The following RSL24D1 variants were observed in gnomAD, a reference collection of about 807,000 sequenced individuals.
RSL24D1 encodes the protein probable ribosome biogenesis protein RLP24.
Under a neutral mutation model 26.2 loss-of-function variants are expected in RSL24D1, and 6 were observed. The ratio of observed to expected loss-of-function variants is 0.23; its 90% CI spans 0.13 to 0.45. The LOEUF (loss-of-function observed/expected upper bound fraction) is 0.45. Ranked by LOEUF, RSL24D1 falls within the 20% of genes least tolerant of loss-of-function variation. RSL24D1 has a pLI of 0.99. For missense variants in RSL24D1, 176 were observed against 202.6 expected, an observed-to-expected ratio of 0.87 and a Z score of 0.80; for synonymous variants, 61 against 59.1, an observed-to-expected ratio of 1.03 and a Z score of -0.15.
chr15:55,194,702 G>C (rs75322033), intron 1 of RSL24D1, among the ~76,000 whole-genome samples: 7,399 of 151,996 alleles, frequency 0.049, 313 homozygotes, highest in African/African-American at 0.12. Context: ...TGCCTAAGAA[G>C]AGTAAAAGGT....
intron 2 of RSL24D1, among the ~76,000 whole-genome samples, chr15:55,191,386 A>T (rs1435025192): frequency 6.6e-6 from 1 of 152,190 alleles, no homozygotes; most frequent in African/African-American, 2.4e-5. Context: ...AAAACTTTGA[A>T]TTATGTTGAA....
rs1595649664 is a variant in RSL24D1 at position 55,181,343 on chromosome 15, C to G, written c.*809G>C. 1 of 152,514 alleles carries G rather than the reference C, an allele frequency of 6.6e-6. No homozygotes were observed. The highest frequency in any genetic ancestry group is 1.5e-5 in the Non-Finnish European group (1 of 68,028). The allele number at this position is 152,514 out of a possible 1,614,324, so 9.4% of individuals were successfully genotyped here. A position where few individuals can be genotyped will look rare whatever the true frequency, so the allele number is the denominator to read the frequency against. Reference sequence around the variant, plus strand: ...TTTTTAAATGGTTTTATTTTATGTACAAATAATGAACATACGTTGTACCCA... The same window carrying G: ...TTTTTAAATGGTTTTATTTTATGTAGAAATAATGAACATACGTTGTACCCA... On this transcript the variant is annotated 3_prime_UTR_variant, in exon 6 of 6. Coordinates refer to ENST00000260443, the MANE Select transcript of RSL24D1 (RefSeq NM_016304.3).
Position 55,181,087 on chromosome 15 carries a change from A to C in RSL24D1, c.*1065T>G, listed in dbSNP as rs1314138749. The C allele has an allele frequency of 6.6e-6, 1 of 152,002 alleles. No individual in the cohort carries two copies. The highest frequency in any genetic ancestry group is 1.5e-5 in the Non-Finnish European group (1 of 67,982). 9.4% of individuals were successfully genotyped at this position (152,002 alleles called of 1,614,324 possible). ...TAAGGCTAAGAATTACTGATTTTAAACTCTACCCTAAAAAAACCATTATGC... is the reference window on the plus strand; with the variant it reads ...TAAGGCTAAGAATTACTGATTTTAACCTCTACCCTAAAAAAACCATTATGC... On this transcript the variant is annotated 3_prime_UTR_variant, in exon 6 of 6. Transcript: ENST00000260443.
rs2140589197 is a variant in RSL24D1 at position 55,183,373 on chromosome 15, T to C, written c.360A>G (p.Lys120=). 6.2e-7 allele frequency: 1 copy of C among 1,612,264 alleles called. No individual in the cohort carries two copies. The highest frequency in any genetic ancestry group is 1.3e-5 in the African/African-American group (1 of 74,976). Residue 120 remains lysine, a synonymous_variant, in exon 5 of 6, where the codon AAA becomes AAG. Coordinates refer to ENST00000260443, the MANE Select transcript of RSL24D1 (RefSeq NM_016304.3). ...NRLKKNKELQ[K]VQDIKEVKQN... is the part of the protein sequence containing the mutation. The stretch of plus-strand genomic sequence containing the variant: ...GCTTGACTTCTTTGATATCCTGAAC[T>C]TTCTGTAGCTCTTTATTTTTCTTCA...
intron 1 of RSL24D1, chr15:55,196,438 A>G (rs1200675770): frequency 2.0e-6 from 1 of 493,026 alleles, no homozygotes; most frequent in African/African-American, 1.9e-5. Flanking sequence ...ACCTTAGTGT[A>G]ATGCCTGACA....
intron 4 of RSL24D1, 100 bp from the exon 5 acceptor site, chr15:55,183,500 C>T (rs1204985677): frequency 3.9e-6 from 3 of 776,844 alleles, no homozygotes; most frequent in African/African-American, 3.5e-5. Flanking sequence ...CTTAAGTTAG[C>T]CCCACAGATG....
intron 3 of RSL24D1, among the ~76,000 whole-genome samples, chr15:55,188,587 T>C (rs1178837945): frequency 6.6e-6 from 1 of 152,178 alleles, no homozygotes; most frequent in Non-Finnish European, 1.5e-5. Flanking sequence ...CAGTGCTTAA[T>C]AAATGTGCAC....
chr15:55,193,389 A>C (rs1318324261), intron 1 of RSL24D1, among the ~76,000 whole-genome samples: 1 of 152,226 alleles, frequency 6.6e-6, no homozygotes, highest in Non-Finnish European at 1.5e-5. Flanking sequence ...GCTAACTTAC[A>C]ACTGATGATG....
intron 5 of RSL24D1, among the ~76,000 whole-genome samples, chr15:55,182,611 AAACTTAGAT>A (rs1180865933): frequency 6.6e-6 from 1 of 152,164 alleles, no homozygotes; most frequent in Admixed American, 6.5e-5. Flanking sequence ...GATTACCTAA[AAACTTAGAT>A]AACAATGGTT....
At chr15:55,186,603 T>A (rs1412469745) in intron 3 of RSL24D1, among the ~76,000 whole-genome samples, 1 of 152,084 alleles carries the variant, frequency 6.6e-6, no homozygotes, top group Non-Finnish European at 1.5e-5. Flanking sequence ...ACTGTCAATA[T>A]CATGAAATAT....
intron 3 of RSL24D1, among the ~76,000 whole-genome samples, chr15:55,190,081 C>T (rs1894276165): frequency 6.6e-6 from 1 of 152,030 alleles, no homozygotes. Flanking sequence ...AACCCCATCT[C>T]TACTAAAAAT....
At chr15:55,190,390 G>GAA (rs140138775) in intron 3 of RSL24D1, among the ~76,000 whole-genome samples, 18 of 148,912 alleles carry the variant, frequency 1.2e-4, no homozygotes, top group African/African-American at 4.5e-4. Flanking sequence ...CTATTTCAGG[G>GAA]AAAAAAAACA....
intron 1 of RSL24D1, among the ~76,000 whole-genome samples, chr15:55,193,738 C>G (rs988723454): frequency 1.3e-5 from 2 of 152,114 alleles, no homozygotes; most frequent in Non-Finnish European, 2.9e-5. Flanking sequence ...TACAGTAGGA[C>G]AGTTTTCTTA....
chr15:55,195,746 C>T (rs1247735351), intron 1 of RSL24D1, among the ~76,000 whole-genome samples: 1 of 152,158 alleles, frequency 6.6e-6, no homozygotes, highest in Non-Finnish European at 1.5e-5. Flanking sequence ...GGTTCTTTTA[C>T]GTTATCAAAC....
At position 55,196,791 on chromosome 15, in the gene RSL24D1, C is replaced by G. The variant is rs369110721; in HGVS notation, c.81+19G>C. ...CGCGGGAGCTAGGCTGAAGCAAGAACTGGTGTCGACCGCCTTACCTTGCAA... is the reference window on the plus strand; with the variant it reads ...CGCGGGAGCTAGGCTGAAGCAAGAAGTGGTGTCGACCGCCTTACCTTGCAA... On this transcript the variant is annotated intron_variant, in intron 1 of 5. Transcript: ENST00000260443. 1 of 1,613,670 alleles carries G rather than the reference C, an allele frequency of 6.2e-7. No individual in the cohort carries two copies. The highest frequency in any genetic ancestry group is 1.1e-5 in the South Asian group (1 of 91,058).
Position 55,192,784 on chromosome 15 carries a change from C to A in RSL24D1, c.131G>T (p.Arg44Leu), listed in dbSNP as rs572620938. The change falls in exon 2 of 6, where the codon CGC becomes CTC. Residue 44 changes from arginine (R) to leucine (L), a missense_variant. By Grantham distance (102) the Arg-to-Leu change is moderately radical (BLOSUM62 -2). This residue lies in a region of RSL24D1 where 89 missense variants were observed against 135.1 expected (regional missense o/e 0.66). Coordinates refer to ENST00000260443, the MANE Select transcript of RSL24D1 (RefSeq NM_016304.3). ...SKCHKNFKKK[R>L]NPRKVRWTKA... ...GGTCCACCTAACTTTGCGAGGATTG[C>A]GCTTCTTTTTAAAGTTTTTATGACA... is the stretch of plus-strand genomic sequence containing the variant. The A allele has an allele frequency of 1.9e-6, 3 of 1,613,714 alleles. No homozygotes were observed. The highest frequency in any genetic ancestry group is 1.3e-5 in the African/African-American group (1 of 74,886).
At chr15:55,194,228 G>C (rs1181062401) in intron 1 of RSL24D1, 1 of 152,168 alleles carries the variant, frequency 6.6e-6, no homozygotes, top group African/African-American at 2.4e-5. Context: ...AGTAAATAAA[G>C]AGCATCTATG....
At chr15:55,185,185 G>C (rs959656042) in intron 4 of RSL24D1, among the ~76,000 whole-genome samples, 177 bp downstream of exon 4, 2 of 152,136 alleles carry the variant, frequency 1.3e-5, no homozygotes, top group African/African-American at 2.4e-5. Context: ...ATTGAGACAA[G>C]GATAAAGTAA....
chr15:55,188,004 T>C (rs1247374055), intron 3 of RSL24D1, among the ~76,000 whole-genome samples: 1 of 152,220 alleles, frequency 6.6e-6, no homozygotes, highest in Non-Finnish European at 1.5e-5. Flanking sequence ...AGGGACAAAG[T>C]GCAAACTATT....
Sources: allele counts gnomAD v4.1 joint callset (sites outside exome capture counted in the v4.1 genomes callset), GRCh38; gene constraint gnomAD v4.1.1; regional missense constraint gnomAD v4.1.1; transcripts MANE v1.5; gene names NCBI Gene and HGNC (gene_info 2026-07-23, HGNC 2026-07-21).